KLF16: variants seen among roughly 807,000 people sequenced by gnomAD.
KLF16 encodes Krueppel-like factor 16.
A neutral mutation model predicts 6.1 loss-of-function variants in KLF16; 6 were observed. The ratio of observed to expected loss-of-function variants is 0.98; its 90% confidence interval spans 0.54 to 1.93. KLF16 has a LOEUF of 1.93. Ranked by LOEUF, KLF16 falls within the 30% of genes most tolerant of loss-of-function variation. KLF16 has a pLI of 0.01. For missense variants in KLF16, 355 were observed against 363.8 expected (o/e 0.98, Z 0.20); for synonymous variants, 211 against 176.5 (o/e 1.20, Z -1.55).
upstream of KLF16, among the ~76,000 whole-genome samples, chr19:1,867,813 G>A (rs2012210741): frequency 6.6e-6 from 1 of 152,182 alleles, no homozygotes; most frequent in African/African-American, 2.4e-5. Flanking sequence ...GTTACAGTGA[G>A]CCAAGATTGT....
chr19:1,863,599 G>A (rs2012122117), upstream of KLF16: 6 of 414,332 alleles, frequency 1.4e-5, no homozygotes, highest in South Asian at 9.5e-5. Context: ...GGAGGAGGAG[G>A]AGGAGGAGGC....
chr19:1,871,478 C>T, the KLF16 span, among the ~76,000 whole-genome samples: 1 of 152,120 alleles, frequency 6.6e-6, no homozygotes, highest in African/African-American at 2.4e-5. Flanking sequence ...AAAGTCCCCA[C>T]CCCCCCGGGG....
rs549523798 is a variant in KLF16 at position 1,860,083 on chromosome 19, C to T, written c.457+2958G>A. Among the ~76,000 whole-genome samples, 16 of 128,912 alleles carry T rather than the reference C, an allele frequency of 1.2e-4. No individual in the cohort carries two copies. The East Asian group carries it at 3.5e-3, about 28-fold the overall frequency. The allele number at this position is 128,912 out of a possible 152,430, so 84.6% of individuals were successfully genotyped here. ...GGTGTCGGCAAACCCTCTGGAGGTG[C>T]AGGCTGACGGTGTGCCGGGCACTGG... is the stretch of plus-strand genomic sequence containing the variant. On this transcript the variant is annotated intron_variant, in intron 1 of 1. Coordinates refer to ENST00000250916, the MANE Select transcript of KLF16 (RefSeq NM_031918.4).
chr19:1,870,258 A>G, the KLF16 span, among the ~76,000 whole-genome samples: 2 of 152,128 alleles, frequency 1.3e-5, no homozygotes, highest in Non-Finnish European at 2.9e-5. Context: ...AAATATGAAA[A>G]GTGGATGTGG....
chr19:1,862,467 G>A (rs936774536), intron 1 of KLF16, among the ~76,000 whole-genome samples: 2 of 151,878 alleles, frequency 1.3e-5, no homozygotes, highest in Non-Finnish European at 2.9e-5. Flanking sequence ...CGCGCTCCTA[G>A]CCTCGCCCTC....
chr19:1,869,343 G>T, the KLF16 span, among the ~76,000 whole-genome samples: 1 of 152,170 alleles, frequency 6.6e-6, no homozygotes, highest in African/African-American at 2.4e-5. Flanking sequence ...AGCCAGGTTT[G>T]GTGGTGGGCG....
the KLF16 span, among the ~76,000 whole-genome samples, chr19:1,872,755 G>A: frequency 2.0e-5 from 3 of 152,080 alleles, no homozygotes; most frequent in Admixed American, 6.5e-5. Context: ...CCGGGGTCTC[G>A]GCTACTTCTC....
At chr19:1,872,670 C>T in the KLF16 span, among the ~76,000 whole-genome samples, 1 of 152,064 alleles carries the variant, frequency 6.6e-6, no homozygotes, top group Non-Finnish European at 1.5e-5. Flanking sequence ...AGATGTGTGT[C>T]CCGGGACCTT....
Position 1,854,652 on chromosome 19 carries a change from CAGG to C in KLF16, c.563_565del (p.Ser188del). ...GGTGAAGCGCTTGGAGCACAGAGGGCAGGAGAAGCGCTTCTCGCCCGTGTGCGT... is the reference window on the plus strand; with the variant it reads ...GGTGAAGCGCTTGGAGCACAGAGGGCAGAAGCGCTTCTCGCCCGTGTGCGT... On this transcript the variant is annotated inframe_deletion, in exon 2 of 2. Transcript: ENST00000250916. 1 of 1,599,810 alleles carries C rather than the reference CAGG, an allele frequency of 6.3e-7. No homozygotes were observed. Among genetic ancestry groups the C allele is most frequent in the Non-Finnish European group, 8.5e-7 (1 of 1,179,480 alleles).
intron 1 of KLF16, among the ~76,000 whole-genome samples, chr19:1,859,354 TCTCC>T: frequency 6.6e-6 from 1 of 151,010 alleles, no homozygotes; most frequent in East Asian, 1.9e-4. Flanking sequence ...TCCTGAGGAG[TCTCC>T]CTCCAACCCA....
chr19:1,858,116 C>A (rs1377263500), intron 1 of KLF16, among the ~76,000 whole-genome samples: 2 of 152,058 alleles, frequency 1.3e-5, no homozygotes, highest in Admixed American at 6.5e-5. Flanking sequence ...GCCAAACACG[C>A]AGGCAGGCAT....
rs997453866 is a variant in KLF16 at position 1,857,400 on chromosome 19, CG to C, written c.458-2641del. On this transcript the variant is annotated intron_variant, in intron 1 of 1. Coordinates refer to ENST00000250916, the MANE Select transcript of KLF16 (RefSeq NM_031918.4). The surrounding 1 kb of genome is among the most constrained non-coding windows in gnomAD (Gnocchi z 4.7). ...GCCGAGACGCAGCGCCCTGAGGATGCGGTGGGTGGGGACAACGCGGGAGGGC... is the reference window on the plus strand; with the variant it reads ...GCCGAGACGCAGCGCCCTGAGGATGCGTGGGTGGGGACAACGCGGGAGGGC... Among the ~76,000 whole-genome samples the C allele has an allele frequency of 6.6e-6, 1 of 152,160 alleles. No homozygotes were observed. The highest frequency in any genetic ancestry group is 1.5e-5 in the Non-Finnish European group (1 of 68,016).
rs1414087310 is a variant in KLF16 at position 1,863,051 on chromosome 19, C to T, written c.447G>A (p.Arg149=). Residue 149 remains arginine, a synonymous_variant, in exon 1 of 2, where the codon CGG becomes CGA. Coordinates refer to ENST00000250916, the MANE Select transcript of KLF16 (RefSeq NM_031918.4). ...CGCGGCTGCACTCACCTGTGTGCGT[C>T]CGCAGGTGCGACTTTAGGTGCGAGG... ...YKSSHLKSHL[R]THTGERPFAC... The T allele has an allele frequency of 3.6e-6, 5 of 1,400,278 alleles. No individual in the cohort carries two copies. The highest frequency in any genetic ancestry group is 4.7e-6 in the Non-Finnish European group (5 of 1,057,988). The allele number at this position is 1,400,278 out of a possible 1,614,324, so 86.7% of individuals were successfully genotyped here. A position where few individuals can be genotyped will look rare whatever the true frequency, so the allele number is the denominator to read the frequency against.
chr19:1,873,235 C>G, the KLF16 span, among the ~76,000 whole-genome samples: 7 of 152,204 alleles, frequency 4.6e-5, no homozygotes, highest in Admixed American at 4.6e-4. Flanking sequence ...CTTGGTCAGC[C>G]GCCCACACAC....
At chr19:1,866,066 G>C (rs1274996302), upstream of KLF16, among the ~76,000 whole-genome samples, 2 of 152,202 alleles carry the variant, frequency 1.3e-5, no homozygotes, top group Non-Finnish European at 2.9e-5. Flanking sequence ...CACTTTGGGA[G>C]GCCAAGGCTG....
chr19:1,854,784 C>A, intron 1 of KLF16, 24 bp from the exon 2 acceptor site: 1 of 1,594,756 alleles, frequency 6.3e-7, no homozygotes, highest in African/African-American at 1.3e-5. Context: ...CAGAGACAGA[C>A]AGCGGGTCAG....
Position 1,857,944 on chromosome 19 carries a change from C to A in KLF16, c.458-3184G>T, listed in dbSNP as rs1226780835. ...AAAAGGGGGAACACTGGTGGTGAGG[C>A]CCTGCCAGCCTGGGGGTGGGGTCTC... On this transcript the variant is annotated intron_variant, in intron 1 of 1. Coordinates refer to ENST00000250916, the MANE Select transcript of KLF16 (RefSeq NM_031918.4). This position sits in a 1 kb window ranked among gnomAD's most constrained non-coding sequence, Gnocchi z 4.7. Among the ~76,000 whole-genome samples the A allele has an allele frequency of 2.0e-5, 3 of 152,082 alleles. No homozygotes were observed. The highest frequency in any genetic ancestry group is 1.9e-4 in the East Asian group (1 of 5,168).
chr19:1,860,965 G>C lies in KLF16; in HGVS notation c.457+2076C>G, dbSNP rs545074891. Among the ~76,000 whole-genome samples, 5 of 152,180 alleles carry C rather than the reference G, an allele frequency of 3.3e-5. No homozygotes were observed. The East Asian group carries it at 9.7e-4, about 29-fold the overall frequency. On this transcript the variant is annotated intron_variant, in intron 1 of 1. Coordinates refer to ENST00000250916, the MANE Select transcript of KLF16 (RefSeq NM_031918.4). ...TGGGACGTCAGCAGGCTCAAGGGGT[G>C]GGGGAGGGTGCCAGGAGATCCGCCC... is the stretch of plus-strand genomic sequence containing the variant.
At chr19:1,858,783 G>C (rs1217255765) in intron 1 of KLF16, among the ~76,000 whole-genome samples, 1 of 152,098 alleles carries the variant, frequency 6.6e-6, no homozygotes, top group Non-Finnish European at 1.5e-5. Context: ...GGGTCGGCAG[G>C]GGACAACCCC....
Sources: gnomAD v4.1 joint callset for allele counts (sites outside exome capture counted in the v4.1 genomes callset) on GRCh38, gnomAD v4.1.1 for gene constraint, Gnocchi (gnomAD v3.1) non-coding constraint, MANE v1.5 for transcripts, NCBI Gene and HGNC (gene_info 2026-07-23, HGNC 2026-07-21) for gene names.